The following ROBO1 variants were observed in gnomAD, a reference collection of about 807,000 sequenced individuals.
ROBO1 encodes roundabout guidance receptor 1, also known as roundabout homolog 1.
Under a neutral mutation model 195.9 loss-of-function variants are expected in ROBO1, and 149 were observed. That is an observed-to-expected ratio of 0.76 (90% CI 0.67 to 0.87). The LOEUF is 0.87. ROBO1 is among the 40% of genes least tolerant of loss of function. The probability of loss-of-function intolerance (pLI) is 0.00; values close to 1 mark genes in which losing one functional copy is unlikely to be tolerated. For missense variants in ROBO1, 1,933 were observed against 2,068.3 expected (o/e 0.93, Z 1.27); for synonymous variants, 816 against 733.2 (o/e 1.11, Z -1.82).
At chr3:78,615,627 T>G (rs905756974) in intron 27 of ROBO1, among the ~76,000 whole-genome samples, 30 of 152,242 alleles carry the variant, frequency 2.0e-4, no homozygotes, top group African/African-American at 6.5e-4. Context: ...ATATTGGTCC[T>G]ATGTTTGACT....
chr3:78,808,630 T>C (rs1399566573), intron 4 of ROBO1, among the ~76,000 whole-genome samples: 1 of 152,212 alleles, frequency 6.6e-6, no homozygotes, highest in Non-Finnish European at 1.5e-5. Flanking sequence ...GCAAATGTCA[T>C]AGCTTCAATG....
chr3:79,403,681 T>C (rs1485463233), intron 2 of ROBO1, among the ~76,000 whole-genome samples: 6 of 151,990 alleles, frequency 3.9e-5, no homozygotes, highest in Non-Finnish European at 7.4e-5. Flanking sequence ...AGTTGGAAAA[T>C]AGTGATTTTC....
Position 79,508,244 on chromosome 3 carries a change from A to G in ROBO1, c.88+81580T>C, listed in dbSNP as rs1340929917. ...GTTGTGCACATGTACCCTAGAACTT[A>G]AAGTATAATAATAAAAATCAAAAAG... On this transcript the variant is annotated intron_variant, in intron 2 of 30. Transcript: ENST00000464233. Among the ~76,000 whole-genome samples the G allele has an allele frequency of 4.6e-5, 7 of 151,838 alleles. No homozygotes were observed. The East Asian group carries it at 1.4e-3, about 30-fold the overall frequency.
At chr3:79,557,253 GA>G (rs1317839612) in intron 2 of ROBO1, among the ~76,000 whole-genome samples, 1 of 151,916 alleles carries the variant, frequency 6.6e-6, no homozygotes, top group African/African-American at 2.4e-5. Flanking sequence ...AATAAATTAA[GA>G]AGTAACAAAG....
rs535930153 is a variant in ROBO1 at position 79,193,803 on chromosome 3, G to T, written c.89-68264C>A. Among the ~76,000 whole-genome samples, 334 of 151,414 alleles carry T rather than the reference G, an allele frequency of 2.2e-3. 1 individual carries two copies. Among genetic ancestry groups the T allele is most frequent in the Non-Finnish European group, 4.1e-3 (280 of 67,636 alleles). ...CTGAGCCCTAGGGAGTGTCAAACTA[G>T]TTTGCTAGAGAAGAGACATTAGCCA... is the stretch of plus-strand genomic sequence containing the variant. On this transcript the variant is annotated intron_variant, in intron 2 of 30. Transcript: ENST00000464233.
chr3:79,298,480 A>G (rs770010950), intron 2 of ROBO1, among the ~76,000 whole-genome samples: 6 of 152,040 alleles, frequency 3.9e-5, no homozygotes, highest in South Asian at 2.1e-4. Context: ...CTGTTTCTCT[A>G]TTTTATGGTC....
At chr3:79,334,503 C>T (rs2109191059) in intron 2 of ROBO1, among the ~76,000 whole-genome samples, 1 of 151,644 alleles carries the variant, frequency 6.6e-6, no homozygotes, top group South Asian at 2.1e-4. Flanking sequence ...GCGTTCCTAG[C>T]ACAGCACCTG....
intron 4 of ROBO1, among the ~76,000 whole-genome samples, chr3:78,786,115 C>A (rs1240213501): frequency 1.3e-5 from 2 of 152,118 alleles, no homozygotes; most frequent in African/African-American, 4.8e-5. Flanking sequence ...TTTAACCAGA[C>A]TTCTGGGTTT....
At chr3:78,670,769 T>C (rs774234189) in intron 10 of ROBO1, among the ~76,000 whole-genome samples, 1 of 152,176 alleles carries the variant, frequency 6.6e-6, no homozygotes, top group Non-Finnish European at 1.5e-5. Flanking sequence ...CAAGGTACCA[T>C]ACCAGCATGT....
chr3:78,755,796 T>C (rs2082914200), intron 4 of ROBO1, among the ~76,000 whole-genome samples: 1 of 152,196 alleles, frequency 6.6e-6, no homozygotes, highest in South Asian at 2.1e-4. Context: ...AAGATATCCT[T>C]ATTTTTTAAA....
chr3:79,470,441 A>G (rs1262164556), intron 2 of ROBO1, among the ~76,000 whole-genome samples: 1 of 152,158 alleles, frequency 6.6e-6, no homozygotes, highest in African/African-American at 2.4e-5. Flanking sequence ...GGATAGCATT[A>G]GGAGATATAC....
intron 2 of ROBO1, among the ~76,000 whole-genome samples, chr3:79,282,598 C>G (rs1473904145): frequency 1.3e-5 from 2 of 152,166 alleles, no homozygotes; most frequent in Non-Finnish European, 2.9e-5. Context: ...AACAAGAAGT[C>G]TAAGAAGAGT....
chr3:78,714,780 C>G, intron 7 of ROBO1: 1 of 351,194 alleles, frequency 2.8e-6, no homozygotes, highest in South Asian at 7.5e-5. Flanking sequence ...TTTCCTCAAG[C>G]TCCTGTGCTC....
At chr3:79,485,043 T>C (rs62257599) in intron 2 of ROBO1, among the ~76,000 whole-genome samples, 55,174 of 151,778 alleles carry the variant, frequency 0.36, 10,302 homozygotes, top group African/African-American at 0.44. Flanking sequence ...TGAGCCACCA[T>C]GCCCAGCCGA....
At chr3:78,735,540 G>A (rs1576049715) in intron 5 of ROBO1, among the ~76,000 whole-genome samples, 1 of 152,054 alleles carries the variant, frequency 6.6e-6, no homozygotes, top group Non-Finnish European at 1.5e-5. Flanking sequence ...AGTCATTTAA[G>A]ATGAATTTCT....
At chr3:78,934,060 C>T (rs1417671239) in intron 4 of ROBO1, among the ~76,000 whole-genome samples, 1 of 151,994 alleles carries the variant, frequency 6.6e-6, no homozygotes, top group Non-Finnish European at 1.5e-5. Flanking sequence ...GAACTGATCT[C>T]ATTTTTGAAA....
intron 1 of ROBO1, among the ~76,000 whole-genome samples, chr3:79,599,020 C>A (rs1350859891): frequency 2.0e-5 from 3 of 152,078 alleles, no homozygotes; most frequent in Non-Finnish European, 4.4e-5. Flanking sequence ...TCCCCTGCCA[C>A]CTCCACCAGA....
intron 2 of ROBO1, among the ~76,000 whole-genome samples, chr3:79,419,029 T>C (rs1392078070): frequency 6.6e-6 from 1 of 152,100 alleles, no homozygotes. Flanking sequence ...TTTGCAAGGC[T>C]GTGTCCAGAG....
At chr3:79,091,494 A>G (rs2079479181) in intron 3 of ROBO1, among the ~76,000 whole-genome samples, 1 of 152,164 alleles carries the variant, frequency 6.6e-6, no homozygotes, top group Non-Finnish European at 1.5e-5. Context: ...AGTGTAGTAA[A>G]TGTTCCAGAC....
Sources: allele counts gnomAD v4.1 joint callset (sites outside exome capture counted in the v4.1 genomes callset), GRCh38; gene constraint gnomAD v4.1.1; transcripts MANE v1.5; gene names NCBI Gene and HGNC (gene_info 2026-07-23, HGNC 2026-07-21).